The following FRMPD2 variants were observed in gnomAD, a reference collection of about 807,000 sequenced individuals.
FRMPD2 encodes the protein FERM and PDZ domain containing 2.
In FRMPD2, 96 loss-of-function variants were observed where a neutral mutation model predicts 140.1. The observed-to-expected ratio is 0.69, with a 90% CI of 0.58 to 0.81. The LOEUF (loss-of-function observed/expected upper bound fraction) is 0.81. Among genes scored for constraint, FRMPD2 ranks in the 40% least tolerant of loss-of-function variants. The probability of loss-of-function intolerance (pLI) is 0.00; values close to 1 mark genes in which losing one functional copy is unlikely to be tolerated. For missense variants in FRMPD2, 1,240 were observed against 1,447.4 expected (o/e 0.86, Z 2.32); for synonymous variants, 449 against 547.6 (o/e 0.82, Z 2.52).
At chr10:48,243,419 A>G (rs931820090) in intron 4 of FRMPD2, among the ~76,000 whole-genome samples, 1 of 152,188 alleles carries the variant, frequency 6.6e-6, no homozygotes, top group African/African-American at 2.4e-5. Flanking sequence ...AGGGAAGGGG[A>G]TTATGAGCAG....
intron 1 of FRMPD2, among the ~76,000 whole-genome samples, chr10:48,257,602 G>T (rs1206183265): frequency 6.6e-6 from 1 of 151,994 alleles, no homozygotes; most frequent in East Asian, 1.9e-4. Flanking sequence ...TTTTTAGAGG[G>T]AGGCTTTATT....
Position 48,185,650 on chromosome 10 carries a change from A to G in FRMPD2, c.2267-5T>C, listed in dbSNP as rs1460598019. 4.4e-6 allele frequency: 7 copies of G among 1,608,990 alleles called. No individual in the cohort carries two copies. Among genetic ancestry groups the G allele is most frequent in the Admixed American group, 1.7e-5 (1 of 59,998 alleles). On this transcript the variant is annotated splice_region_variant and splice_polypyrimidine_tract_variant and intron_variant, in intron 17 of 28. Transcript: ENST00000374201. ...TCCTCCTATTATTCTTTGAGCCTAG[A>G]GGTAGAATCAGAGCACCACATTGTG...
chr10:48,274,127 T>A (rs976078986), intron 1 of FRMPD2, among the ~76,000 whole-genome samples: 1 of 152,214 alleles, frequency 6.6e-6, no homozygotes, highest in Non-Finnish European at 1.5e-5. Flanking sequence ...TCCAAGTATG[T>A]TCTAAGTGCC....
chr10:48,205,120 TCA>T (rs1328582030), intron 14 of FRMPD2, among the ~76,000 whole-genome samples: 2 of 152,250 alleles, frequency 1.3e-5, no homozygotes, highest in Non-Finnish European at 2.9e-5. Context: ...CATAAAGAGT[TCA>T]AGTCATTTTC....
At chr10:48,241,012 C>T (rs935347753) in intron 5 of FRMPD2, among the ~76,000 whole-genome samples, 9 of 152,236 alleles carry the variant, frequency 5.9e-5, no homozygotes, top group African/African-American at 1.7e-4. Context: ...AGATCCCTGA[C>T]GGAAATGTTG....
intron 3 of FRMPD2, among the ~76,000 whole-genome samples, chr10:48,245,527 A>G (rs961335066): frequency 6.6e-6 from 1 of 152,242 alleles, no homozygotes; most frequent in Non-Finnish European, 1.5e-5. Flanking sequence ...TTCTGCCTGA[A>G]TTCTAATAAA....
At chr10:48,270,377 T>C (rs974543340) in intron 1 of FRMPD2, among the ~76,000 whole-genome samples, 1 of 152,316 alleles carries the variant, frequency 6.6e-6, no homozygotes, top group Middle Eastern at 3.4e-3. Flanking sequence ...CCAAGGGATG[T>C]CCATTCCTGC....
chr10:48,188,743 G>T (rs1838755846), intron 16 of FRMPD2, among the ~76,000 whole-genome samples: 1 of 152,226 alleles, frequency 6.6e-6, no homozygotes, highest in Admixed American at 6.5e-5. Flanking sequence ...TTACGGAAAA[G>T]GAAGGGCTTT....
At chr10:48,240,610 AC>A in intron 5 of FRMPD2, 118 bp from the exon 6 acceptor site, 1 of 1,393,078 alleles carries the variant, frequency 7.2e-7, no homozygotes, top group Non-Finnish European at 9.8e-7. Flanking sequence ...CTATACGGTG[AC>A]CTAAAGATGT....
At position 48,185,611 on chromosome 10, in the gene FRMPD2, A is replaced by G. The variant is rs760476192; in HGVS notation, c.2301T>C (p.Ala767=). 2 of 1,614,086 alleles carry G rather than the reference A, an allele frequency of 1.2e-6. No individual in the cohort carries two copies. Among genetic ancestry groups the G allele is most frequent in the South Asian group, 1.1e-5 (1 of 91,084 alleles). ...SKNNRRKSFI[A]EPGREIVRVT... is the part of the protein sequence containing the mutation. ...CACGTACAATTTCTCGGCCCGGTTC[A>G]GCTATAAAGCTCTTCCTCCTATTAT... The change falls in exon 18 of 29, where the codon GCT becomes GCC. Residue 767 remains alanine (A), a synonymous_variant. Coordinates refer to ENST00000374201, the MANE Select transcript of FRMPD2 (RefSeq NM_001018071.4).
chr10:48,235,682 A>G (rs1276637090), intron 9 of FRMPD2, among the ~76,000 whole-genome samples: 1 of 152,230 alleles, frequency 6.6e-6, no homozygotes, highest in Non-Finnish European at 1.5e-5. Flanking sequence ...GTGCGCTTCC[A>G]GCCCTGGGGG....
intron 22 of FRMPD2, chr10:48,176,329 T>TA (rs1336168222): frequency 4.0e-5 from 6 of 150,064 alleles, no homozygotes; most frequent in African/African-American, 1.6e-4. Flanking sequence ...GGCCAAAGGA[T>TA]ATGTGCATTT....
At chr10:48,258,528 T>C (rs962694087) in intron 1 of FRMPD2, among the ~76,000 whole-genome samples, 5 of 152,186 alleles carry the variant, frequency 3.3e-5, no homozygotes, top group African/African-American at 1.2e-4. Flanking sequence ...ACTCCTACCT[T>C]ACAAGGTGGG....
At chr10:48,274,784 G>C (rs1326796739), upstream of FRMPD2, 1 of 565,266 alleles carries the variant, frequency 1.8e-6, no homozygotes, top group East Asian at 3.0e-5. Context: ...TGGGTCCTGC[G>C]CAGTCTCTGG....
intron 13 of FRMPD2, among the ~76,000 whole-genome samples, chr10:48,210,361 G>GA (rs1178433987): frequency 2.6e-5 from 4 of 152,060 alleles, no homozygotes; most frequent in African/African-American, 4.8e-5. Flanking sequence ...TGTGAATGGG[G>GA]AAAAAAATGG....
chr10:48,257,589 CT>C (rs1030226982), intron 1 of FRMPD2, among the ~76,000 whole-genome samples: 1 of 152,052 alleles, frequency 6.6e-6, no homozygotes, highest in African/African-American at 2.4e-5. Flanking sequence ...CAACCTTTAC[CT>C]TTTTTTAGAG....
chr10:48,232,977 C>T (rs1027725519), intron 9 of FRMPD2, among the ~76,000 whole-genome samples: 1 of 152,204 alleles, frequency 6.6e-6, no homozygotes, highest in African/African-American at 2.4e-5. Context: ...ATGATACCCA[C>T]TGCCCCTAGG....
intron 20 of FRMPD2, among the ~76,000 whole-genome samples, chr10:48,182,650 G>A (rs967004059): frequency 3.3e-5 from 5 of 152,306 alleles, no homozygotes; most frequent in Admixed American, 3.3e-4. Flanking sequence ...AAGGTGGCTG[G>A]GGTGCCACAG....
At chr10:48,188,456 A>ACAC (rs1838744267) in intron 16 of FRMPD2, among the ~76,000 whole-genome samples, 1 of 152,216 alleles carries the variant, frequency 6.6e-6, no homozygotes, top group Non-Finnish European at 1.5e-5. Context: ...CTTGCCTTGC[A>ACAC]GCACGATCGA....
Sources: gnomAD v4.1 joint callset for allele counts (sites outside exome capture counted in the v4.1 genomes callset) on GRCh38, gnomAD v4.1.1 for gene constraint, MANE v1.5 for transcripts, NCBI Gene and HGNC (gene_info 2026-07-23, HGNC 2026-07-21) for gene names.